EPC2: variants seen among roughly 807,000 people sequenced by gnomAD.
EPC2 encodes enhancer of polycomb 2.
EPC2 carries 14 observed loss-of-function variants against 92.1 expected under a neutral mutation model. The ratio of observed to expected loss-of-function variants is 0.15; its 90% CI spans 0.10 to 0.24. The LOEUF (loss-of-function observed/expected upper bound fraction) is 0.24. Ranked by LOEUF, EPC2 falls within the 10% of genes least tolerant of loss-of-function variation. The probability of loss-of-function intolerance (pLI) is 1.00; values close to 1 mark genes in which losing one functional copy is unlikely to be tolerated. For missense variants in EPC2, 755 were observed against 971.5 expected, an observed-to-expected ratio of 0.78 and a Z score of 2.96; for synonymous variants, 340 against 334.7, an observed-to-expected ratio of 1.02 and a Z score of -0.17.
chr2:148,658,787 G>A (rs985396533), intron 1 of EPC2, among the ~76,000 whole-genome samples: 5 of 151,650 alleles, frequency 3.3e-5, no homozygotes, highest in Admixed American at 2.0e-4. Flanking sequence ...TACTACTTAT[G>A]CAATGATAAG....
intron 9 of EPC2, 38 bp downstream of exon 9, chr2:148,770,975 C>A: frequency 6.3e-7 from 1 of 1,599,678 alleles, no homozygotes; most frequent in South Asian, 1.1e-5. Flanking sequence ...TGTTTGCTAT[C>A]TGGAACAGAA....
At position 148,761,775 on chromosome 2, in the gene EPC2, T is replaced by C. The variant is rs1325812873; in HGVS notation, c.667-7T>C. 4 of 1,471,578 alleles carry C rather than the reference T, an allele frequency of 2.7e-6. No individual in the cohort carries two copies. Among genetic ancestry groups the C allele is most frequent in the Middle Eastern group, 1.9e-4 (1 of 5,200 alleles). 91.2% of individuals were successfully genotyped at this position (1,471,578 alleles called of 1,614,324 possible). On this transcript the variant is annotated splice_polypyrimidine_tract_variant and splice_region_variant and intron_variant, in intron 4 of 13. Transcript: ENST00000258484. Reference sequence around the variant, plus strand: ...GTTTATTCTTCTAAAATTATTATTTTTAATAGAATCGTAAGAATGATGAAG... The same window carrying C: ...GTTTATTCTTCTAAAATTATTATTTCTAATAGAATCGTAAGAATGATGAAG...
intron 2 of EPC2, among the ~76,000 whole-genome samples, chr2:148,724,201 T>C (rs908323635): frequency 2.0e-5 from 3 of 152,114 alleles, no homozygotes; most frequent in African/African-American, 7.2e-5. Flanking sequence ...AGATAACTTA[T>C]TCATTTATTT....
intron 1 of EPC2, among the ~76,000 whole-genome samples, chr2:148,684,159 T>G (rs898708769): frequency 1.3e-5 from 2 of 152,252 alleles, no homozygotes; most frequent in Non-Finnish European, 2.9e-5. Context: ...TATGTATCTT[T>G]CTTTTGAGAA....
chr2:148,697,232 A>G (rs1169172448), intron 2 of EPC2, among the ~76,000 whole-genome samples: 1 of 152,156 alleles, frequency 6.6e-6, no homozygotes, highest in Non-Finnish European at 1.5e-5. Flanking sequence ...CATCATTACA[A>G]GTTGCAAATA....
intron 2 of EPC2, among the ~76,000 whole-genome samples, chr2:148,700,614 A>G (rs922140751): frequency 3.3e-5 from 5 of 151,050 alleles, no homozygotes; most frequent in African/African-American, 4.9e-5. Context: ...TCTTTTGTCA[A>G]ATTCTTGCTG....
At chr2:148,715,057 A>G (rs895631050) in intron 2 of EPC2, among the ~76,000 whole-genome samples, 41 of 115,292 alleles carry the variant, frequency 3.6e-4, no homozygotes, top group African/African-American at 1.3e-3. Flanking sequence ...TTTTGGAGAC[A>G]GAGTCTTGCT....
intron 6 of EPC2, among the ~76,000 whole-genome samples, 154 bp from the exon 7 acceptor site, chr2:148,764,801 A>T (rs755721672): frequency 2.0e-5 from 3 of 152,230 alleles, no homozygotes; most frequent in Non-Finnish European, 4.4e-5. Context: ...AACATGTTTC[A>T]ATTTATGAAC....
chr2:148,781,996 G>C (rs1683759086), intron 11 of EPC2, among the ~76,000 whole-genome samples: 1 of 151,968 alleles, frequency 6.6e-6, no homozygotes, highest in African/African-American at 2.4e-5. Flanking sequence ...AGCCAAATAT[G>C]GTATTTTAAA....
intron 9 of EPC2, 49 bp downstream of exon 9, chr2:148,770,986 G>A (rs778439385): frequency 1.3e-6 from 2 of 1,598,284 alleles, no homozygotes; most frequent in Non-Finnish European, 1.7e-6. Flanking sequence ...TGGAACAGAA[G>A]ACAAAGAGAA....
At chr2:148,699,434 G>A (rs1253343401) in intron 2 of EPC2, among the ~76,000 whole-genome samples, 2 of 152,054 alleles carry the variant, frequency 1.3e-5, no homozygotes, top group African/African-American at 2.4e-5. Flanking sequence ...CCTGAACTTC[G>A]CTGGTACATT....
At chr2:148,747,132 T>C (rs1276431732) in intron 3 of EPC2, among the ~76,000 whole-genome samples, 1 of 152,186 alleles carries the variant, frequency 6.6e-6, no homozygotes, top group South Asian at 2.1e-4. Context: ...CCTAAACTAT[T>C]GAACACCCGA....
intron 13 of EPC2, among the ~76,000 whole-genome samples, chr2:148,785,232 TAG>T (rs201660966): frequency 7.3e-5 from 11 of 149,726 alleles, no homozygotes; most frequent in Admixed American, 1.3e-4. Context: ...AGAGTAGTAG[TAG>T]AGAGAGAGAG....
intron 2 of EPC2, chr2:148,692,791 C>T (rs1411251554): frequency 2.0e-5 from 3 of 152,140 alleles, no homozygotes; most frequent in African/African-American, 7.2e-5. Flanking sequence ...GGGTGTAACT[C>T]ATGTGGGTCA....
chr2:148,781,552 T>C (rs1683748906), intron 10 of EPC2, 92 bp from the exon 11 acceptor site: 1 of 1,201,154 alleles, frequency 8.3e-7, no homozygotes, highest in African/African-American at 1.6e-5. Flanking sequence ...TGCTTTCATC[T>C]TAATTGTGGA....
intron 11 of EPC2, among the ~76,000 whole-genome samples, chr2:148,782,378 A>AGTT (rs1445947465): frequency 6.6e-6 from 1 of 152,072 alleles, no homozygotes; most frequent in Non-Finnish European, 1.5e-5. Flanking sequence ...CTCTACTAAA[A>AGTT]ATACAAAAAC....
chr2:148,671,420 C>A (rs1057243814), intron 1 of EPC2, among the ~76,000 whole-genome samples: 4 of 151,324 alleles, frequency 2.6e-5, no homozygotes, highest in African/African-American at 9.7e-5. Flanking sequence ...TTGAGACTGG[C>A]CTGGCCAACA....
At chr2:148,680,900 T>C (rs1681381140) in intron 1 of EPC2, among the ~76,000 whole-genome samples, 1 of 152,214 alleles carries the variant, frequency 6.6e-6, no homozygotes, top group South Asian at 2.1e-4. Flanking sequence ...TACTGGGGAA[T>C]AGCAAGAAGG....
At chr2:148,691,498 C>T in intron 2 of EPC2, 1 of 1,548,298 alleles carries the variant, frequency 6.5e-7, no homozygotes, top group Admixed American at 2.0e-5. Context: ...ATAAGATTGA[C>T]TGCTTTTCAT....
Sources: allele counts gnomAD v4.1 joint callset (sites outside exome capture counted in the v4.1 genomes callset), GRCh38; gene constraint gnomAD v4.1.1; transcripts MANE v1.5; gene names NCBI Gene and HGNC (gene_info 2026-07-23, HGNC 2026-07-21).